The following HAUS8 variants were observed in gnomAD, a reference collection of about 807,000 sequenced individuals.
HAUS8 encodes HAUS augmin like complex subunit 8.
Under a neutral mutation model 42.9 loss-of-function variants are expected in HAUS8, and 38 were observed. The ratio of observed to expected loss-of-function variants is 0.89; its 90% CI spans 0.68 to 1.16. The LOEUF is 1.16. Among genes scored for constraint, HAUS8 ranks in the 50% most tolerant of loss-of-function variants. The pLI, the probability that HAUS8 is intolerant of heterozygous loss-of-function variation, is 0.00. For missense variants in HAUS8, 494 were observed against 511.6 expected, an observed-to-expected ratio of 0.97 and a Z score of 0.33; for synonymous variants, 199 against 205.8, an observed-to-expected ratio of 0.97 and a Z score of 0.28.
Position 17,054,699 on chromosome 19 carries a change from G to C in HAUS8, c.787+1162C>G, listed in dbSNP as rs11665799. ...GCCTGTAATCCTAGCTACTCGGGAG[G>C]CTGAGGCAGGAGAATCGCTTGAACC... On this transcript the variant is annotated intron_variant, in intron 9 of 10. Coordinates refer to ENST00000253669, the MANE Select transcript of HAUS8 (RefSeq NM_033417.2). 8.1e-3 allele frequency among the ~76,000 whole-genome samples: 1,227 copies of C among 152,052 alleles called. 13 individuals are homozygous for C. Among genetic ancestry groups the C allele is most frequent in the Non-Finnish European group, 0.011 (773 of 67,994 alleles).
At chr19:17,060,218 G>T in intron 4 of HAUS8, 126 bp from the exon 5 acceptor site, 19 of 361,686 alleles carry the variant, frequency 5.3e-5, no homozygotes, top group East Asian at 8.6e-5. Context: ...GTCCAAGGTG[G>T]AAAGGCTAAA....
At chr19:17,068,686 G>C (rs769722512) in intron 3 of HAUS8, among the ~76,000 whole-genome samples, 20 of 152,044 alleles carry the variant, frequency 1.3e-4, no homozygotes, top group Non-Finnish European at 1.6e-4. Flanking sequence ...AAGATGGCTT[G>C]AGCCTGGGAG....
rs758819385 is a variant in HAUS8 at position 17,064,612 on chromosome 19, C to T, written c.148-1833G>A. Among the ~76,000 whole-genome samples, 32 of 152,066 alleles carry T rather than the reference C, an allele frequency of 2.1e-4. 1 individual carries two copies. The highest frequency in any genetic ancestry group is 8.3e-4 in the South Asian group (4 of 4,822). ...TGACAGAGATGATGAGAGAATACAA[C>T]GGGAAAAAGGAAAATCATTTCAATA... is the stretch of plus-strand genomic sequence containing the variant. On this transcript the variant is annotated intron_variant, in intron 3 of 10. Coordinates refer to ENST00000253669, the MANE Select transcript of HAUS8 (RefSeq NM_033417.2).
intron 3 of HAUS8, among the ~76,000 whole-genome samples, chr19:17,063,210 G>A (rs2057370909): frequency 6.6e-6 from 1 of 152,164 alleles, no homozygotes; most frequent in Admixed American, 6.5e-5. Context: ...CTTATAAAGA[G>A]CAATGGCCAG....
chr19:17,055,141 AAAATATATATATATATATATATATATAT>A (rs1476637598), intron 9 of HAUS8: 2 of 17,590 alleles, frequency 1.1e-4, no homozygotes, highest in East Asian at 1.4e-3. Flanking sequence ...AAAAAAAAAA[AAAATATATATATATATATATATATATAT>A]ATATATATAT....
intron 1 of HAUS8, chr19:17,073,822 G>A: frequency 5.9e-6 from 1 of 169,534 alleles, no homozygotes. Flanking sequence ...GGCTAACATG[G>A]TGAAACCCCA....
At chr19:17,054,785 G>C (rs1012539819) in intron 9 of HAUS8, among the ~76,000 whole-genome samples, 2 of 151,032 alleles carry the variant, frequency 1.3e-5, no homozygotes, top group Admixed American at 6.6e-5. Context: ...TGGGCAACAA[G>C]AGTGAAACTC....
At chr19:17,068,366 G>A (rs536000480) in intron 3 of HAUS8, among the ~76,000 whole-genome samples, 12 of 151,986 alleles carry the variant, frequency 7.9e-5, no homozygotes, top group Admixed American at 3.9e-4. Flanking sequence ...CGCCCACCTC[G>A]GCCTCCCAAA....
intron 10 of HAUS8, chr19:17,052,128 T>A (rs1325279133): frequency 7.1e-6 from 1 of 140,846 alleles, no homozygotes; most frequent in Non-Finnish European, 1.6e-5. Context: ...CAACTCTGTC[T>A]CAAAATAAAT....
At position 17,055,192 on chromosome 19, in the gene HAUS8, A is replaced by AT. The variant is rs1568635000; in HGVS notation, c.787+668_787+669insA. ...TATATATATATATATATATATATAT[A>AT]AGCCAGGTGTGGTGGTGCCCACGTG... On this transcript the variant is annotated intron_variant, in intron 9 of 10. Transcript: ENST00000253669. The AT allele has an allele frequency of 2.8e-4, 22 of 78,572 alleles. 1 individual carries two copies. Among genetic ancestry groups the AT allele is most frequent in the African/African-American group, 1.3e-3 (21 of 16,312 alleles). The allele number at this position is 78,572 out of a possible 1,614,324, so 4.9% of individuals were successfully genotyped here.
chr19:17,054,894 TGA>T (rs2057310261), intron 9 of HAUS8, among the ~76,000 whole-genome samples: 1 of 147,890 alleles, frequency 6.8e-6, no homozygotes, highest in African/African-American at 2.5e-5. Context: ...GAGTAGAGCC[TGA>T]GAAGTTGAAG....
intron 9 of HAUS8, among the ~76,000 whole-genome samples, chr19:17,054,872 G>A (rs2057310082): frequency 6.6e-6 from 1 of 151,776 alleles, no homozygotes; most frequent in Admixed American, 6.6e-5. Context: ...GGAAGCTGAG[G>A]TGGGAGGATC....
chr19:17,058,476 C>T (rs901051244), intron 8 of HAUS8, 73 bp downstream of exon 8: 46 of 1,422,244 alleles, frequency 3.2e-5, no homozygotes, highest in Non-Finnish European at 4.1e-5. Flanking sequence ...AGCACGAATG[C>T]TACCGAAACA....
intron 1 of HAUS8, 36 bp from the exon 2 acceptor site, chr19:17,073,371 C>T: frequency 6.2e-7 from 1 of 1,600,342 alleles, no homozygotes; most frequent in Non-Finnish European, 8.6e-7. Flanking sequence ...GTTCACCTCA[C>T]TACCCAAGAA....
At chr19:17,059,738 T>C in intron 5 of HAUS8, 87 bp from the exon 6 acceptor site, 2 of 841,274 alleles carry the variant, frequency 2.4e-6, no homozygotes, top group Non-Finnish European at 3.9e-6. Context: ...ATGGGTTTAT[T>C]GGGATGTAAC....
chr19:17,060,161 A>G, intron 4 of HAUS8, 69 bp from the exon 5 acceptor site: 1 of 1,125,962 alleles, frequency 8.9e-7, no homozygotes, highest in South Asian at 1.3e-5. Context: ...CAGGAAACGC[A>G]GGCCGTGTTT....
chr19:17,057,048 T>C (rs936934929), intron 8 of HAUS8, among the ~76,000 whole-genome samples: 1 of 152,198 alleles, frequency 6.6e-6, no homozygotes, highest in African/African-American at 2.4e-5. Context: ...CTTGGCTAAT[T>C]TTTAATTTTT....
At position 17,055,943 on chromosome 19, in the gene HAUS8, T is replaced by A; in HGVS notation, c.705A>T (p.Thr235=). Residue 235 remains threonine (T), a synonymous_variant, in exon 9 of 11, where the codon ACA becomes ACT. Coordinates refer to ENST00000253669, the MANE Select transcript of HAUS8 (RefSeq NM_033417.2). ...VATRFKEQYR[T]FATALDTTRH... is the part of the protein sequence containing the mutation. ...TGGTAGTGTCCAGGGCCGTGGCGAA[T>A]GTCCTGTATTGCTCCTTGAAGCGTG... is the stretch of plus-strand genomic sequence containing the variant. 6.2e-7 allele frequency: 1 copy of A among 1,614,158 alleles called. No individual in the cohort carries two copies. The highest frequency in any genetic ancestry group is 1.1e-5 in the South Asian group (1 of 91,088).
Position 17,058,679 on chromosome 19 carries a change from C to A in HAUS8, c.515G>T (p.Arg172Ile). The A allele has an allele frequency of 6.2e-7, 1 of 1,610,082 alleles. No individual in the cohort carries two copies. Among genetic ancestry groups the A allele is most frequent in the Non-Finnish European group, 8.5e-7 (1 of 1,178,906 alleles). ...KMENNLAEFE[R>I]RAEKNLLIMC... is the part of the protein sequence containing the mutation. ...TATTAATAAATTCTTTTCTGCCCTT[C>A]TTTCAAACTCAGCAAGATTGTTCTC... The change falls in exon 8 of 11, where the codon AGA becomes ATA. Residue 172 changes from arginine to isoleucine, a missense_variant. Transcript: ENST00000253669.
Sources: gnomAD v4.1 joint callset for allele counts (sites outside exome capture counted in the v4.1 genomes callset) on GRCh38, gnomAD v4.1.1 for gene constraint, MANE v1.5 for transcripts, NCBI Gene and HGNC (gene_info 2026-07-23, HGNC 2026-07-21) for gene names.